The following PCDH15 variants were observed in gnomAD, a reference collection of about 807,000 sequenced individuals.
PCDH15 encodes protocadherin-15.
In PCDH15, 129 loss-of-function variants were observed where a neutral mutation model predicts 178.5. That is an observed-to-expected ratio of 0.72 (90% confidence interval 0.63 to 0.84). The LOEUF (loss-of-function observed/expected upper bound fraction) is 0.84. Among genes scored for constraint, PCDH15 ranks in the 40% least tolerant of loss-of-function variants. PCDH15 has a pLI of 0.00. For missense variants in PCDH15, 2,230 were observed against 2,099.9 expected (o/e 1.06, Z -1.21); for synonymous variants, 800 against 732.0 (o/e 1.09, Z -1.50).
At chr10:54,755,434 T>C (rs1946941143) in intron 1 of PCDH15, among the ~76,000 whole-genome samples, 1 of 152,216 alleles carries the variant, frequency 6.6e-6, no homozygotes, top group South Asian at 2.1e-4. Flanking sequence ...CTTAAGCTAA[T>C]ATGTCTTATT....
At chr10:54,093,055 A>G (rs937723602) in intron 15 of PCDH15, among the ~76,000 whole-genome samples, 3 of 151,042 alleles carry the variant, frequency 2.0e-5, no homozygotes, top group Non-Finnish European at 4.4e-5. Context: ...AATATTTAAT[A>G]TCCTTTATGT....
intron 3 of PCDH15, among the ~76,000 whole-genome samples, chr10:54,392,468 CAAAAAA>C (rs71007849): frequency 4.7e-4 from 31 of 66,120 alleles, no homozygotes; most frequent in African/African-American, 6.7e-4. Flanking sequence ...GAGGCTGTCT[CAAAAAA>C]AAAAAAAAAA....
intron 1 of PCDH15, among the ~76,000 whole-genome samples, chr10:55,246,917 A>C (rs1243446144): frequency 6.6e-6 from 1 of 152,156 alleles, no homozygotes; most frequent in Non-Finnish European, 1.5e-5. Flanking sequence ...CTAAACTTTC[A>C]GTGCTATTTT....
rs2079484760 is a variant in PCDH15, at chr10:53,866,725, T to C, written c.3634A>G (p.Asn1212Asp). The C allele has an allele frequency of 6.2e-7, 1 of 1,613,578 alleles. No individual in the cohort carries two copies. Among genetic ancestry groups the C allele is most frequent in the East Asian group, 2.2e-5 (1 of 44,834 alleles). The change falls in exon 27 of 38, where the codon AAT becomes GAT. Residue 1212 changes from asparagine to aspartate, a missense_variant. Asn to Asp is a conservative substitution (Grantham distance 23). Transcript: ENST00000644397. Reference sequence around the variant, plus strand: ...AACTTGAAGTAGGATCTCCTCATATTATGGAAGAGCATAGCAGTTTTGATA... The same window carrying C: ...AACTTGAAGTAGGATCTCCTCATATCATGGAAGAGCATAGCAGTTTTGATA... ...GLIKTAMLFHNMRRSYFKFQV... is the reference protein window; with the variant it reads ...GLIKTAMLFHDMRRSYFKFQV...
At chr10:54,437,472 T>C (rs1327009795) in intron 3 of PCDH15, among the ~76,000 whole-genome samples, 3 of 152,178 alleles carry the variant, frequency 2.0e-5, no homozygotes, top group African/African-American at 4.8e-5. Flanking sequence ...GTTATAAGTA[T>C]TAGTAGTAGC....
intron 3 of PCDH15, among the ~76,000 whole-genome samples, chr10:54,487,436 T>C (rs1181552975): frequency 1.3e-5 from 2 of 152,010 alleles, no homozygotes; most frequent in Non-Finnish European, 2.9e-5. Flanking sequence ...AGCCCTGACT[T>C]CACCACTACC....
chr10:54,896,695 T>C (rs561403013), intron 3 of PCDH15, among the ~76,000 whole-genome samples: 1 of 152,258 alleles, frequency 6.6e-6, no homozygotes, highest in Non-Finnish European at 1.5e-5. Flanking sequence ...TCTTCCTTCC[T>C]TTTAGCAACC....
At chr10:54,090,485 A>C (rs1248418200) in intron 15 of PCDH15, among the ~76,000 whole-genome samples, 1 of 151,994 alleles carries the variant, frequency 6.6e-6, no homozygotes, top group Admixed American at 6.6e-5. Flanking sequence ...TCTACCAAAA[A>C]CACAAGAAGT....
intron 7 of PCDH15, among the ~76,000 whole-genome samples, chr10:54,322,968 CA>C (rs2061703198): frequency 6.6e-6 from 1 of 152,118 alleles, no homozygotes; most frequent in Admixed American, 6.6e-5. Flanking sequence ...ATGCATCTGA[CA>C]AAGGTCTAAT....
intron 2 of PCDH15, among the ~76,000 whole-genome samples, chr10:55,498,055 G>T (rs1840575354): frequency 6.6e-6 from 1 of 151,790 alleles, no homozygotes; most frequent in Non-Finnish European, 1.5e-5. Flanking sequence ...AGAATAAAAT[G>T]GATTCCAAAG....
intron 25 of PCDH15, among the ~76,000 whole-genome samples, chr10:53,914,315 G>C (rs879373153): frequency 1.3e-5 from 2 of 152,130 alleles, no homozygotes; most frequent in Non-Finnish European, 2.9e-5. Context: ...ACATGCACAC[G>C]TATGTTTATT....
At chr10:54,896,589 G>GT (rs1279633711) in intron 3 of PCDH15, among the ~76,000 whole-genome samples, 11 of 141,720 alleles carry the variant, frequency 7.8e-5, no homozygotes, top group African/African-American at 2.2e-4. Context: ...CCAATAAGAT[G>GT]TTTTTTTAAA....
chr10:54,657,306 C>T (rs1340730212), intron 2 of PCDH15, among the ~76,000 whole-genome samples: 1 of 152,212 alleles, frequency 6.6e-6, no homozygotes, highest in African/African-American at 2.4e-5. Flanking sequence ...CTCCAACGCT[C>T]TTCCATTGAA....
intron 25 of PCDH15, among the ~76,000 whole-genome samples, chr10:53,907,631 T>C (rs948740470): frequency 3.3e-5 from 5 of 152,218 alleles, no homozygotes; most frequent in African/African-American, 1.2e-4. Context: ...CAATCTTTTC[T>C]TTGGCTAGAA....
chr10:54,646,058 C>A (rs562631422), intron 2 of PCDH15, among the ~76,000 whole-genome samples: 1 of 152,210 alleles, frequency 6.6e-6, no homozygotes, highest in Non-Finnish European at 1.5e-5. Flanking sequence ...ATTTTATATT[C>A]ACACACTACA....
At chr10:55,081,521 C>G (rs1350818258) in intron 2 of PCDH15, among the ~76,000 whole-genome samples, 2 of 152,122 alleles carry the variant, frequency 1.3e-5, no homozygotes, top group East Asian at 3.9e-4. Context: ...ACATTGAAAT[C>G]TTAACCATAC....
At chr10:55,501,661 A>C (rs1589086601) in intron 2 of PCDH15, among the ~76,000 whole-genome samples, 1 of 151,882 alleles carries the variant, frequency 6.6e-6, no homozygotes, top group East Asian at 1.9e-4. Flanking sequence ...GTGAATCAGA[A>C]AGTGCAATTA....
intron 3 of PCDH15, among the ~76,000 whole-genome samples, chr10:54,515,494 C>G (rs7087399): frequency 0.11 from 17,497 of 152,276 alleles, 1,248 homozygotes; most frequent in East Asian, 0.35. Context: ...AACTGGAACT[C>G]GGTGGAGCCC....
At chr10:54,372,723 A>G (rs1947855841) in intron 4 of PCDH15, among the ~76,000 whole-genome samples, 2 of 151,886 alleles carry the variant, frequency 1.3e-5, no homozygotes, top group South Asian at 4.1e-4. Flanking sequence ...TCAAACAAAG[A>G]AGAAAAAAAA....
Sources: allele counts gnomAD v4.1 joint callset (sites outside exome capture counted in the v4.1 genomes callset), GRCh38; gene constraint gnomAD v4.1.1; transcripts MANE v1.5; gene names NCBI Gene and HGNC (gene_info 2026-07-23, HGNC 2026-07-21).